The following ANXA6 variants were observed in gnomAD, a reference collection of about 807,000 sequenced individuals.
ANXA6 encodes annexin A6, also known as 67 kDa calelectrin.
Under a neutral mutation model 95.4 loss-of-function variants are expected in ANXA6, and 71 were observed. The ratio of observed to expected loss-of-function variants is 0.74; its 90% confidence interval spans 0.61 to 0.91. The LOEUF is 0.91. Among genes scored for constraint, ANXA6 ranks in the 40% least tolerant of loss-of-function variants. The pLI, the probability that ANXA6 is intolerant of heterozygous loss-of-function variation, is 0.00. For missense variants in ANXA6, 830 were observed against 876.4 expected (o/e 0.95, Z 0.67); for synonymous variants, 289 against 315.9 (o/e 0.91, Z 0.90).
intron 20 of ANXA6, among the ~76,000 whole-genome samples, chr5:151,111,165 C>T (rs78243462): frequency 0.01 from 1,586 of 152,298 alleles, 23 homozygotes; most frequent in East Asian, 0.068. Flanking sequence ...GGGAGCTGAC[C>T]TGCCTGGAGG....
At chr5:151,140,803 C>T (rs953445891) in intron 2 of ANXA6, among the ~76,000 whole-genome samples, 6 of 152,134 alleles carry the variant, frequency 3.9e-5, no homozygotes, top group Non-Finnish European at 5.9e-5. Flanking sequence ...CATTTGTAGA[C>T]GCTCTTAAGA....
In ANXA6 at chr5:151,108,514, A is replaced by G. The variant is rs1436838289; in HGVS notation, c.1721T>C (p.Val574Ala). The G allele has an allele frequency of 3.1e-6, 5 of 1,613,864 alleles. No homozygotes were observed. Among genetic ancestry groups the G allele is most frequent in the East Asian group, 2.2e-5 (1 of 44,892 alleles). ...QEFIKMTNYDVEHTIKKEMSG... is the reference protein window; with the variant it reads ...QEFIKMTNYDAEHTIKKEMSG... The stretch of plus-strand genomic sequence containing the variant: ...CATCTCCTTCTTGATGGTGTGCTCC[A>G]CGTCATAGTTGGTCATCTTGATGAA... The change falls in exon 23 of 26, where the codon GTG becomes GCG. Residue 574 changes from valine to alanine, a missense_variant. Physicochemically the swap from Val to Ala is moderately conservative, Grantham distance 64 (BLOSUM62 0). Transcript: ENST00000354546.
chr5:151,105,331 G>C, intron 23 of ANXA6, 28 bp from the exon 24 acceptor site: 1 of 1,611,220 alleles, frequency 6.2e-7, no homozygotes, highest in Non-Finnish European at 8.5e-7. Flanking sequence ...GAGATGCGGG[G>C]AACGTGGTCA....
chr5:151,114,772 TG>T (rs1764949840), intron 20 of ANXA6, among the ~76,000 whole-genome samples: 1 of 152,112 alleles, frequency 6.6e-6, no homozygotes, highest in Non-Finnish European at 1.5e-5. Flanking sequence ...ACAATCACTG[TG>T]GGGCCACAGT....
At position 151,125,921 on chromosome 5, in the gene ANXA6, A is replaced by G. The variant is rs536149789; in HGVS notation, c.1056+481T>C. Among the ~76,000 whole-genome samples the G allele has an allele frequency of 2.0e-5, 3 of 152,314 alleles. No individual in the cohort carries two copies. In the South Asian group the frequency reaches 6.2e-4, roughly 32 times the overall value. ...AAGTAACAGAGAGCTCCAAGGTCCC[A>G]TGCTTTTTTGTGTGGACCAAGTGTT... On this transcript the variant is annotated intron_variant, in intron 14 of 25. Coordinates refer to ENST00000354546, the MANE Select transcript of ANXA6 (RefSeq NM_001155.5).
Position 151,117,000 on chromosome 5 carries a change from A to G in ANXA6, c.1572+127T>C, listed in dbSNP as rs983307967. 75 of 792,656 alleles carry G rather than the reference A, an allele frequency of 9.5e-5. No individual in the cohort carries two copies. In the East Asian group the frequency reaches 1.2e-3, roughly 13 times the overall value. 49.1% of individuals were successfully genotyped at this position (792,656 alleles called of 1,614,324 possible). A position where few individuals can be genotyped will look rare whatever the true frequency, so the allele number is the denominator to read the frequency against. On this transcript the variant is annotated intron_variant, in intron 20 of 25. Coordinates refer to ENST00000354546, the MANE Select transcript of ANXA6 (RefSeq NM_001155.5). ...ATTTCTACAGTCTAAGTATCAACCA[A>G]TCAAACCAACCACGCCCCTGCCAGG...
At chr5:151,138,831 G>GGAA (rs3217234) in intron 4 of ANXA6, 40 bp from the exon 5 acceptor site, 162,142 of 1,380,146 alleles carry the variant, frequency 0.12, 11,284 homozygotes, top group South Asian at 0.16. Flanking sequence ...AGAGGAAAGA[G>GGAA]GAAGAGTAGT....
At chr5:151,137,662 T>A (rs1765706970) in intron 5 of ANXA6, among the ~76,000 whole-genome samples, 2 of 152,156 alleles carry the variant, frequency 1.3e-5, no homozygotes, top group Admixed American at 1.3e-4. Context: ...GAGATCTGGT[T>A]GTTTAAAAGT....
At position 151,110,622 on chromosome 5, in the gene ANXA6, C is replaced by A; in HGVS notation, c.1590+5G>T. On this transcript the variant is annotated splice_donor_5th_base_variant and intron_variant, in intron 21 of 25. Transcript: ENST00000354546. ...TAAAACCCAAATGAAGAACAGGACA[C>A]TCACCAAGATCTCAGCAGCCACCTG... 1 of 1,613,312 alleles carries A rather than the reference C, an allele frequency of 6.2e-7. No individual in the cohort carries two copies. Among genetic ancestry groups the A allele is most frequent in the Non-Finnish European group, 8.5e-7 (1 of 1,179,524 alleles).
intron 20 of ANXA6, among the ~76,000 whole-genome samples, chr5:151,112,781 G>A (rs535756868): frequency 5.0e-4 from 76 of 152,258 alleles, no homozygotes; most frequent in African/African-American, 1.7e-3. Context: ...CCAAGATTGT[G>A]CCACTGCACT....
Position 151,109,741 on chromosome 5 carries a change from G to A in ANXA6, c.1684+12C>T. The A allele has an allele frequency of 6.3e-7, 1 of 1,596,800 alleles. No individual in the cohort carries two copies. The highest frequency in any genetic ancestry group is 2.3e-5 in the East Asian group (1 of 44,408). On this transcript the variant is annotated intron_variant, in intron 22 of 25. Coordinates refer to ENST00000354546, the MANE Select transcript of ANXA6 (RefSeq NM_001155.5). ...TCCTGCTGAGCTGGGAAGGGAGGAG[G>A]TCAGGCCTCACCTCTCCGGAGGTGC...
intron 20 of ANXA6, among the ~76,000 whole-genome samples, 172 bp downstream of exon 20, chr5:151,116,955 G>C (rs1765016007): frequency 6.6e-6 from 1 of 152,170 alleles, no homozygotes; most frequent in African/African-American, 2.4e-5. Context: ...AGTAATACCA[G>C]CACCACACTT....
intron 23 of ANXA6, among the ~76,000 whole-genome samples, chr5:151,108,177 A>C (rs1288451791): frequency 6.6e-6 from 1 of 151,784 alleles, no homozygotes; most frequent in Non-Finnish European, 1.5e-5. Context: ...GTGTGTGTAT[A>C]CACCCTAGTT....
At chr5:151,106,215 T>A (rs1751849852) in intron 23 of ANXA6, among the ~76,000 whole-genome samples, 1 of 152,090 alleles carries the variant, frequency 6.6e-6, no homozygotes, top group African/African-American at 2.4e-5. Flanking sequence ...TCTCAAAGCC[T>A]AGGGTTCTCT....
chr5:151,119,634 G>T (rs899489088), intron 17 of ANXA6, among the ~76,000 whole-genome samples: 2 of 152,138 alleles, frequency 1.3e-5, no homozygotes, highest in African/African-American at 4.8e-5. Flanking sequence ...AGGTATATAG[G>T]CGTGTGTGTA....
chr5:151,109,978 C>A, intron 21 of ANXA6, 132 bp from the exon 22 acceptor site: 1 of 665,488 alleles, frequency 1.5e-6, no homozygotes, highest in Non-Finnish European at 2.7e-6. Context: ...CCAAGGGGGC[C>A]GAGACTGGTC....
In ANXA6 at chr5:151,100,761, C is replaced by G; in HGVS notation, c.*687G>C. 1 of 408,536 alleles carries G rather than the reference C, an allele frequency of 2.4e-6. No individual in the cohort carries two copies. The highest frequency in any genetic ancestry group is 1.7e-5 in the South Asian group (1 of 58,038). The allele number at this position is 408,536 out of a possible 1,614,324, so 25.3% of individuals were successfully genotyped here. ...TTTCTTCCTTAGAAATAAAAAGTGT[C>G]AAGGGAATGAATCGGAGGCATACTT... On this transcript the variant is annotated 3_prime_UTR_variant, in exon 26 of 26. Transcript: ENST00000354546.
chr5:151,131,515 G>C (rs1358166810), intron 10 of ANXA6, among the ~76,000 whole-genome samples: 1 of 152,220 alleles, frequency 6.6e-6, no homozygotes, highest in Non-Finnish European at 1.5e-5. Context: ...TCCTTTTGAA[G>C]TCCATCACAA....
chr5:151,135,527 C>T (rs1157323296), intron 7 of ANXA6, among the ~76,000 whole-genome samples: 2 of 152,114 alleles, frequency 1.3e-5, no homozygotes, highest in African/African-American at 2.4e-5. Flanking sequence ...GTTTCATAAC[C>T]ATTTGGTCCT....
Sources: gnomAD v4.1 joint callset for allele counts (sites outside exome capture counted in the v4.1 genomes callset) on GRCh38, gnomAD v4.1.1 for gene constraint, MANE v1.5 for transcripts, NCBI Gene and HGNC (gene_info 2026-07-23, HGNC 2026-07-21) for gene names.